Variants in CTTNBP2 observed in about 807,000 individuals in gnomAD.
CTTNBP2 encodes the protein cortactin binding protein 2.
In CTTNBP2, 108 loss-of-function variants were observed where a neutral mutation model predicts 156.9. That is an observed-to-expected ratio of 0.69 (90% confidence interval 0.59 to 0.81). The LOEUF (loss-of-function observed/expected upper bound fraction) is 0.81. Among genes scored for constraint, CTTNBP2 ranks in the 30% least tolerant of loss-of-function variants. The probability of loss-of-function intolerance (pLI) is 0.00; values close to 1 mark genes in which losing one functional copy is unlikely to be tolerated. For missense variants in CTTNBP2, 1,924 were observed against 2,035.4 expected (o/e 0.95, Z 1.05); for synonymous variants, 767 against 751.8 (o/e 1.02, Z -0.33).
At chr7:117,838,468 C>G (rs1802080127) in intron 2 of CTTNBP2, among the ~76,000 whole-genome samples, 1 of 152,146 alleles carries the variant, frequency 6.6e-6, no homozygotes, top group Admixed American at 6.6e-5. Context: ...GCCAATTCTT[C>G]TCTTTAGACA....
chr7:117,834,057 CTTT>C (rs66655327), intron 2 of CTTNBP2, among the ~76,000 whole-genome samples: 1 of 146,694 alleles, frequency 6.8e-6, no homozygotes, highest in Admixed American at 6.8e-5. Context: ...TTTCTTTCTT[CTTT>C]TTTTTTTTTG....
At chr7:117,793,953 A>T (rs1799176414) in intron 3 of CTTNBP2, among the ~76,000 whole-genome samples, 1 of 152,134 alleles carries the variant, frequency 6.6e-6, no homozygotes, top group South Asian at 2.1e-4. Context: ...ATAACAGTTG[A>T]TAAACTCCCA....
intron 1 of CTTNBP2, among the ~76,000 whole-genome samples, chr7:117,862,483 C>T (rs990527447): frequency 7.2e-5 from 11 of 152,162 alleles, no homozygotes; most frequent in African/African-American, 2.4e-5. Context: ...CTCCAACCTT[C>T]CTCATAGCAA....
intron 21 of CTTNBP2, among the ~76,000 whole-genome samples, chr7:117,718,674 T>C (rs1794605370): frequency 1.3e-5 from 2 of 152,200 alleles, no homozygotes; most frequent in Admixed American, 6.5e-5. Flanking sequence ...AGATTTCAGG[T>C]CACTGTTTTC....
chr7:117,814,324 A>G (rs955605441), intron 2 of CTTNBP2, among the ~76,000 whole-genome samples: 3 of 151,688 alleles, frequency 2.0e-5, no homozygotes, highest in South Asian at 2.1e-4. Flanking sequence ...TAAAATTACT[A>G]GTTTTAACTG....
chr7:117,857,860 T>C (rs1162833293), intron 2 of CTTNBP2, among the ~76,000 whole-genome samples: 1 of 152,176 alleles, frequency 6.6e-6, no homozygotes, highest in African/African-American at 2.4e-5. Context: ...TCTGGGGCAT[T>C]AGTCACTCAG....
At position 117,711,218 on chromosome 7, in the gene CTTNBP2, C is replaced by A. The variant is rs1264495723; in HGVS notation, c.*319G>T. On this transcript the variant is annotated 3_prime_UTR_variant, in exon 23 of 23. Coordinates refer to ENST00000160373, the MANE Select transcript of CTTNBP2 (RefSeq NM_033427.3). ...ATATACATACATATATACATATATA[C>A]AGATATACAGTACACAGTTCTGTTT... 4.5e-6 allele frequency: 1 copy of A among 220,906 alleles called. No homozygotes were observed. Among genetic ancestry groups the A allele is most frequent in the Admixed American group, 5.2e-5 (1 of 19,196 alleles). 13.7% of individuals were successfully genotyped at this position (220,906 alleles called of 1,614,324 possible).
rs757242237 is a variant in CTTNBP2, at chr7:117,767,103, T to C, written c.2852A>G (p.His951Arg). The change falls in exon 9 of 23, where the codon CAT becomes CGT. Residue 951 changes from histidine (H) to arginine (R), a missense_variant. By Grantham distance (29) the His-to-Arg change is conservative. Transcript: ENST00000160373. ...ERRDKCNRTV[H>R]DVATDDCKHL... ...CTTGCAGTCATCAGTGGCAACATCA[T>C]GCACAGTCCGATTGCACTTGTCTCT... 8.7e-6 allele frequency: 14 copies of C among 1,612,458 alleles called. No homozygotes were observed. Among genetic ancestry groups the C allele is most frequent in the Admixed American group, 3.3e-5 (2 of 60,010 alleles).
At position 117,792,176 on chromosome 7, in the gene CTTNBP2, A is replaced by T; in HGVS notation, c.1020T>A (p.Asn340Lys). 1 of 1,614,128 alleles carries T rather than the reference A, an allele frequency of 6.2e-7. No homozygotes were observed. Among genetic ancestry groups the T allele is most frequent in the South Asian group, 1.1e-5 (1 of 91,074 alleles). The change falls in exon 4 of 23, where the codon AAT becomes AAA. Residue 340 changes from asparagine (N) to lysine (K), a missense_variant. Coordinates refer to ENST00000160373, the MANE Select transcript of CTTNBP2 (RefSeq NM_033427.3). The surrounding 1 kb of genome is among the most constrained non-coding windows in gnomAD (Gnocchi z 4.2). ...CACTGGTGCACACGCTCCCTTTTGC[A>T]TTTGCAGAAACTAGGGGACTCCCTG... ...PSTGSPLVSA[N>K]AKGSVCTSAT...
chr7:117,746,574 G>A (rs567270321), intron 12 of CTTNBP2, among the ~76,000 whole-genome samples: 2 of 152,266 alleles, frequency 1.3e-5, no homozygotes, highest in Admixed American at 6.5e-5. Flanking sequence ...CACAGTCACC[G>A]TAAATATTTT....
intron 2 of CTTNBP2, among the ~76,000 whole-genome samples, chr7:117,828,063 A>G (rs1275468948): frequency 6.6e-6 from 1 of 152,190 alleles, no homozygotes; most frequent in Non-Finnish European, 1.5e-5. Context: ...TAACATTCTC[A>G]CCATCTACCA....
At chr7:117,811,332 G>A (rs918100559) in intron 2 of CTTNBP2, among the ~76,000 whole-genome samples, 6 of 151,386 alleles carry the variant, frequency 4.0e-5, no homozygotes, top group Non-Finnish European at 8.8e-5. Context: ...ACAGGGTCTT[G>A]CTCTGTCATC....
chr7:117,806,410 C>G (rs1799943483), intron 3 of CTTNBP2, among the ~76,000 whole-genome samples: 1 of 152,216 alleles, frequency 6.6e-6, no homozygotes, highest in African/African-American at 2.4e-5. Context: ...ATATCTGCCA[C>G]ACCACAAAAT....
intron 5 of CTTNBP2, 49 bp downstream of exon 5, chr7:117,784,202 A>C (rs1798575967): frequency 7.0e-7 from 1 of 1,420,008 alleles, no homozygotes; most frequent in Non-Finnish European, 9.5e-7. Flanking sequence ...TGGGCTTTTG[A>C]CTTTCCATCC....
intron 12 of CTTNBP2, among the ~76,000 whole-genome samples, chr7:117,749,364 G>C (rs1796505987): frequency 6.6e-6 from 1 of 152,154 alleles, no homozygotes; most frequent in South Asian, 2.1e-4. Flanking sequence ...TGCAGTTGCT[G>C]ATTAAACTCC....
At chr7:117,805,414 C>T (rs1181410406) in intron 3 of CTTNBP2, among the ~76,000 whole-genome samples, 1 of 152,164 alleles carries the variant, frequency 6.6e-6, no homozygotes, top group Non-Finnish European at 1.5e-5. Context: ...TATGTGGACT[C>T]TGAAGGCAGA....
chr7:117,850,008 T>A (rs1802835611), intron 2 of CTTNBP2, among the ~76,000 whole-genome samples: 1 of 152,210 alleles, frequency 6.6e-6, no homozygotes, highest in Non-Finnish European at 1.5e-5. Flanking sequence ...CTTCCAGGGA[T>A]ACTCATGAAG....
chr7:117,835,748 C>T (rs1801893932), intron 2 of CTTNBP2, among the ~76,000 whole-genome samples: 1 of 152,140 alleles, frequency 6.6e-6, no homozygotes, highest in South Asian at 2.1e-4. Flanking sequence ...TGGAAAGAGA[C>T]TGGAGATTAT....
chr7:117,862,220 G>A (rs1004299140), intron 1 of CTTNBP2, among the ~76,000 whole-genome samples: 2 of 151,642 alleles, frequency 1.3e-5, no homozygotes, highest in Non-Finnish European at 2.9e-5. Flanking sequence ...TAGCTTCTTG[G>A]CAGGCCTGGG....
Sources: gnomAD v4.1 joint callset for allele counts (sites outside exome capture counted in the v4.1 genomes callset) on GRCh38, gnomAD v4.1.1 for gene constraint, Gnocchi (gnomAD v3.1) non-coding constraint, MANE v1.5 for transcripts, NCBI Gene and HGNC (gene_info 2026-07-23, HGNC 2026-07-21) for gene names.